The following SLC4A1 variants were observed in gnomAD, a reference collection of about 807,000 sequenced individuals.
The protein encoded by SLC4A1 is band 3 anion transport protein.
SLC4A1 carries 29 observed loss-of-function variants against 93.1 expected under a neutral mutation model. The ratio of observed to expected loss-of-function variants is 0.31; its 90% CI spans 0.23 to 0.42. SLC4A1 has a LOEUF of 0.42. Ranked by LOEUF, SLC4A1 falls within the 20% of genes least tolerant of loss-of-function variation. SLC4A1 has a pLI of 1.00. For missense variants in SLC4A1, 965 were observed against 1,190.1 expected, an observed-to-expected ratio of 0.81 and a Z score of 2.78; for synonymous variants, 469 against 497.2, an observed-to-expected ratio of 0.94 and a Z score of 0.76.
chr17:44,254,748 G>T, intron 15 of SLC4A1, 86 bp from the exon 16 acceptor site: 1 of 1,302,338 alleles, frequency 7.7e-7, no homozygotes, highest in South Asian at 1.2e-5. Flanking sequence ...CCTAGGGGTC[G>T]GGCAGTTAGG....
At chr17:44,265,255 G>A (rs1056826555) in intron 1 of SLC4A1, among the ~76,000 whole-genome samples, 7 of 152,110 alleles carry the variant, frequency 4.6e-5, no homozygotes, top group East Asian at 3.9e-4. Context: ...CCCAGGGGCC[G>A]AAAGTGCTGA....
At chr17:44,262,789 A>G in intron 2 of SLC4A1, 63 bp from the exon 3 acceptor site, 4 of 1,608,492 alleles carry the variant, frequency 2.5e-6, no homozygotes, top group Non-Finnish European at 3.4e-6. Flanking sequence ...CGAAGATAGG[A>G]GTCTAGGACC....
In SLC4A1 at chr17:44,265,792, C is replaced by T. The variant is rs577199090; in HGVS notation, c.-69+2262G>A. 2.9e-4 allele frequency among the ~76,000 whole-genome samples: 44 copies of T among 152,110 alleles called. 1 individual carries two copies. The highest frequency in any genetic ancestry group is 2.3e-3 in the Admixed American group (35 of 15,270). On this transcript the variant is annotated intron_variant, in intron 1 of 19. Transcript: ENST00000262418. ...TGAGGGCATGGGGCAGGGAGCCTGG[C>T]CAACATGGTGAAACCCCATCTCTAC...
chr17:44,255,057 C>T (rs577068683), intron 15 of SLC4A1, 150 bp downstream of exon 15: 23 of 692,444 alleles, frequency 3.3e-5, no homozygotes, highest in Middle Eastern at 2.8e-4. Flanking sequence ...GTGAGAAGCA[C>T]ATGGGACTCC....
rs1405212447 is a variant in SLC4A1 at position 44,259,273 on chromosome 17, C to G, written c.766G>C (p.Val256Leu). 5 of 1,613,866 alleles carry G rather than the reference C, an allele frequency of 3.1e-6. No individual in the cohort carries two copies. Among genetic ancestry groups the G allele is most frequent in the Non-Finnish European group, 4.2e-6 (5 of 1,180,038 alleles). Residue 256 changes from valine (V) to leucine (L), a missense_variant, in exon 9 of 20, where the codon GTG becomes CTG. Around this residue, in one of 2 missense-constraint regions of SLC4A1, gnomAD observed 770 missense variants for 1,006.6 expected, o/e 0.76. Coordinates refer to ENST00000262418, the MANE Select transcript of SLC4A1 (RefSeq NM_000342.4). ...AAGCGTATAGGCACCGGCAGCTCCACCGCCTCCAGCTCCGCTGCCTCCTGC... is the reference window on the plus strand; with the variant it reads ...AAGCGTATAGGCACCGGCAGCTCCAGCGCCTCCAGCTCCGCTGCCTCCTGC... Reference protein sequence around the residue: ...RLQEAAELEAVELPVPIRFLF... With the variant: ...RLQEAAELEALELPVPIRFLF...
chr17:44,257,117 G>C (rs2047396188), intron 13 of SLC4A1, among the ~76,000 whole-genome samples: 1 of 151,702 alleles, frequency 6.6e-6, no homozygotes, highest in South Asian at 2.1e-4. Flanking sequence ...TCAGCCTCCT[G>C]AGTAGCTGGG....
Position 44,250,360 on chromosome 17 carries a change from G to A in SLC4A1, c.*98C>T. On this transcript the variant is annotated 3_prime_UTR_variant, in exon 20 of 20. Coordinates refer to ENST00000262418, the MANE Select transcript of SLC4A1 (RefSeq NM_000342.4). ...TGGGGCCTCAGCTGCTGCTCCAGGA[G>A]GATCCTGGAGTCCATGAGGTGCCCA... 6 of 995,426 alleles carry A rather than the reference G, an allele frequency of 6.0e-6. No individual in the cohort carries two copies. 61.7% of individuals were successfully genotyped at this position (995,426 alleles called of 1,614,324 possible).
intron 1 of SLC4A1, among the ~76,000 whole-genome samples, chr17:44,264,460 G>GAAAA (rs1351616547): frequency 2.0e-5 from 3 of 152,046 alleles, no homozygotes; most frequent in Non-Finnish European, 4.4e-5. Flanking sequence ...TCTTTAGAAG[G>GAAAA]AAAACAAAAC....
At chr17:44,262,096 T>C in intron 3 of SLC4A1, 1 of 1,078,506 alleles carries the variant, frequency 9.3e-7, no homozygotes, top group Non-Finnish European at 1.1e-6. Flanking sequence ...GCCCCTTATA[T>C]TCCCACCCCT....
At chr17:44,261,665 C>T (rs2047446130) in intron 3 of SLC4A1, 29 bp from the exon 4 acceptor site, 1 of 1,614,020 alleles carries the variant, frequency 6.2e-7, no homozygotes, top group Non-Finnish European at 8.5e-7. Flanking sequence ...TTAGTATTGA[C>T]CTGACCGTCC....
At position 44,262,843 on chromosome 17, in the gene SLC4A1, A is replaced by G. The variant is rs551508944; in HGVS notation, c.15+9T>C. ...GGTGGGAGCACTGCTGATGCCAGGG[A>G]ACACCCACCTGCAGCTCCTCCATGG... On this transcript the variant is annotated intron_variant, in intron 2 of 19. Transcript: ENST00000262418. The G allele has an allele frequency of 1.2e-6, 2 of 1,613,874 alleles. No individual in the cohort carries two copies. The highest frequency in any genetic ancestry group is 2.7e-5 in the African/African-American group (2 of 75,036).
intron 4 of SLC4A1, 111 bp downstream of exon 4, chr17:44,261,464 G>C: frequency 6.4e-7 from 1 of 1,562,972 alleles, no homozygotes. Flanking sequence ...ATCTGCTGCA[G>C]GGTCTCCCCC....
intron 17 of SLC4A1, among the ~76,000 whole-genome samples, chr17:44,252,353 A>G (rs2047350959): frequency 6.6e-6 from 1 of 152,070 alleles, no homozygotes. Flanking sequence ...TTTTATAGGT[A>G]TTACCCCAAT....
At chr17:44,263,711 T>TTCCTTCCTTCCTTCCC (rs1555597778) in intron 1 of SLC4A1, among the ~76,000 whole-genome samples, 103 of 8,536 alleles carry the variant, frequency 0.012, no homozygotes, top group South Asian at 0.029. Flanking sequence ...CCTTCCCTCC[T>TTCCTTCCTTCCTTCCC]TCCTTCCTTC....
intron 3 of SLC4A1, among the ~76,000 whole-genome samples, 196 bp downstream of exon 3, chr17:44,262,440 C>T (rs949286738): frequency 2.6e-5 from 4 of 152,268 alleles, no homozygotes; most frequent in South Asian, 2.1e-4. Context: ...TGGGTGACTG[C>T]CCCTGCTCTC....
intron 7 of SLC4A1, 68 bp downstream of exon 7, chr17:44,259,741 G>C: frequency 6.2e-7 from 1 of 1,609,878 alleles, no homozygotes; most frequent in Non-Finnish European, 8.5e-7. Context: ...CAGGACCCCT[G>C]CTGGCGTTTG....
intron 6 of SLC4A1, 131 bp from the exon 7 acceptor site, chr17:44,260,063 C>T (rs1490111558): frequency 2.5e-6 from 3 of 1,197,616 alleles, no homozygotes; most frequent in Non-Finnish European, 2.4e-6. Flanking sequence ...CTTCCCAGAC[C>T]AGACCAGAGA....
rs200512368 is a variant in SLC4A1 at position 44,261,553 on chromosome 17, C to T, written c.168+22G>A. On this transcript the variant is annotated intron_variant, in intron 4 of 19. Coordinates refer to ENST00000262418, the MANE Select transcript of SLC4A1 (RefSeq NM_000342.4). Reference sequence around the variant, plus strand: ...GTCCCAAAGGCAGCATGGGAAAGAACGGAGGAGGCTGGGGTCCTCACCTTG... The same window carrying T: ...GTCCCAAAGGCAGCATGGGAAAGAATGGAGGAGGCTGGGGTCCTCACCTTG... The T allele has an allele frequency of 5.1e-4, 817 of 1,614,076 alleles. 5 individuals are homozygous for T. The highest frequency in any genetic ancestry group is 3.5e-3 in the South Asian group (315 of 91,074).
chr17:44,258,628 G>T lies in SLC4A1; in HGVS notation c.877-5C>A, dbSNP rs1447884441. 6.3e-7 allele frequency: 1 copy of T among 1,582,848 alleles called. No homozygotes were observed. Among genetic ancestry groups the T allele is most frequent in the Admixed American group, 1.8e-5 (1 of 54,242 alleles). ...GTAGGCATCTATGCGGAACACCTAG[G>T]GGCAGGAGACAGGGTCAGAGCTGCC... is the stretch of plus-strand genomic sequence containing the variant. On this transcript the variant is annotated splice_region_variant and splice_polypyrimidine_tract_variant and intron_variant, in intron 9 of 19. Coordinates refer to ENST00000262418, the MANE Select transcript of SLC4A1 (RefSeq NM_000342.4). This position sits in a 1 kb window ranked among gnomAD's most constrained non-coding sequence, Gnocchi z 6.1.
Sources: gnomAD v4.1 joint callset for allele counts (sites outside exome capture counted in the v4.1 genomes callset) on GRCh38, gnomAD v4.1.1 for gene constraint, gnomAD v4.1.1 regional missense constraint, Gnocchi (gnomAD v3.1) non-coding constraint, MANE v1.5 for transcripts, NCBI Gene and HGNC (gene_info 2026-07-23, HGNC 2026-07-21) for gene names.